The following RHBDD1 variants were observed in gnomAD, a reference collection of about 807,000 sequenced individuals.
RHBDD1 encodes rhomboid-related protein 4.
In RHBDD1, 38 loss-of-function variants were observed where a neutral mutation model predicts 36.3. The observed-to-expected ratio is 1.05, with a 90% CI of 0.81 to 1.37. The LOEUF (loss-of-function observed/expected upper bound fraction) is 1.37. Among genes scored for constraint, RHBDD1 ranks in the 40% most tolerant of loss-of-function variants. The probability of loss-of-function intolerance (pLI) is 0.00; values close to 1 mark genes in which losing one functional copy is unlikely to be tolerated. For synonymous variants in RHBDD1, 151 were observed against 136.5 expected (o/e 1.11, Z -0.74); for missense variants, 393 against 377.6 (o/e 1.04, Z -0.34).
rs376038303 is a variant in RHBDD1, at chr2:226,864,644, C to T, written c.-50C>T. Reference sequence around the variant, plus strand: ...TATCTCCCCAGATACCTGAAACTGACCACCTGAGTACGTTTTCCCATTGCT... The same window carrying T: ...TATCTCCCCAGATACCTGAAACTGATCACCTGAGTACGTTTTCCCATTGCT... On this transcript the variant is annotated 5_prime_UTR_variant, in exon 4 of 9. Coordinates refer to ENST00000392062, the MANE Select transcript of RHBDD1 (RefSeq NM_001167608.3). 69 of 1,488,230 alleles carry T rather than the reference C, an allele frequency of 4.6e-5. No homozygotes were observed. The African/African-American group carries it at 8.7e-4, about 19-fold the overall frequency. The allele number at this position is 1,488,230 out of a possible 1,614,324, so 92.2% of individuals were successfully genotyped here.
intron 3 of RHBDD1, among the ~76,000 whole-genome samples, chr2:226,855,592 A>C (rs575033117): frequency 6.6e-6 from 1 of 152,338 alleles, no homozygotes; most frequent in East Asian, 1.9e-4. Flanking sequence ...TGGTTGTGTC[A>C]AGCTGGGTGA....
intron 3 of RHBDD1, among the ~76,000 whole-genome samples, chr2:226,842,572 G>A (rs1302363089): frequency 1.3e-5 from 2 of 152,088 alleles, no homozygotes; most frequent in East Asian, 3.9e-4. Context: ...TTTTGGCCAG[G>A]TTTGTCAAAG....
chr2:226,832,366 T>C (rs1365818676), upstream of RHBDD1, among the ~76,000 whole-genome samples: 1 of 152,238 alleles, frequency 6.6e-6, no homozygotes, highest in African/African-American at 2.4e-5. Context: ...CCCAATTCTT[T>C]TAAATTTACT....
At chr2:226,977,293 C>T (rs186639098) in intron 8 of RHBDD1, among the ~76,000 whole-genome samples, 55 of 152,244 alleles carry the variant, frequency 3.6e-4, no homozygotes, top group African/African-American at 1.3e-3. Context: ...ACTGCCGCCT[C>T]CTTTTTTTCT....
chr2:226,981,406 A>T (rs537668414), intron 8 of RHBDD1, among the ~76,000 whole-genome samples: 3 of 151,924 alleles, frequency 2.0e-5, no homozygotes, highest in East Asian at 1.9e-4. Flanking sequence ...ACTTCAAAAA[A>T]TTTTTTAAAA....
intron 6 of RHBDD1, 38 bp downstream of exon 6, chr2:226,906,919 G>C (rs778462109): frequency 6.2e-7 from 1 of 1,603,408 alleles, no homozygotes; most frequent in African/African-American, 1.3e-5. Flanking sequence ...CAACAGCTTG[G>C]AAGTTCATGT....
At chr2:226,854,138 T>C (rs571873414) in intron 3 of RHBDD1, among the ~76,000 whole-genome samples, 1 of 152,220 alleles carries the variant, frequency 6.6e-6, no homozygotes, top group Non-Finnish European at 1.5e-5. Context: ...ATGATGTTGA[T>C]AAATATTTAA....
intron 5 of RHBDD1, among the ~76,000 whole-genome samples, chr2:226,885,262 AT>A (rs1440979143): frequency 6.6e-6 from 1 of 152,176 alleles, no homozygotes; most frequent in African/African-American, 2.4e-5. Context: ...CTGAAAAGTA[AT>A]TTGGGCATGT....
intron 5 of RHBDD1, among the ~76,000 whole-genome samples, chr2:226,883,930 C>T (rs1945999328): frequency 6.6e-6 from 1 of 151,890 alleles, no homozygotes; most frequent in African/African-American, 2.4e-5. Context: ...TTTTTTCTGG[C>T]TAATATTTTT....
At chr2:226,837,455 C>T (rs1220290895) in intron 1 of RHBDD1, 2 of 152,212 alleles carry the variant, frequency 1.3e-5, no homozygotes, top group Non-Finnish European at 1.5e-5. Flanking sequence ...GCAGTGCATA[C>T]TAATGCTATT....
chr2:226,869,301 A>G, intron 5 of RHBDD1: 1 of 435,422 alleles, frequency 2.3e-6, no homozygotes, highest in Non-Finnish European at 3.1e-6. Flanking sequence ...GCTTTGAATG[A>G]TAAACTTCTA....
chr2:226,896,782 T>G (rs966449441), intron 5 of RHBDD1, among the ~76,000 whole-genome samples: 11 of 152,160 alleles, frequency 7.2e-5, no homozygotes, highest in African/African-American at 2.4e-4. Flanking sequence ...TGTGCCCATA[T>G]TTCTTGCTTA....
chr2:226,985,823 T>C (rs1312711439), intron 8 of RHBDD1, among the ~76,000 whole-genome samples: 1 of 152,248 alleles, frequency 6.6e-6, no homozygotes. Flanking sequence ...ATCCTACTCA[T>C]GCCCAAGAGT....
chr2:226,956,531 AGTT>A lies in RHBDD1; in HGVS notation c.857-38882_857-38880del, dbSNP rs373150000. 9.9e-5 allele frequency among the ~76,000 whole-genome samples: 15 copies of A among 152,128 alleles called. No homozygotes were observed. In the South Asian group the frequency reaches 1.2e-3, roughly 13 times the overall value. On this transcript the variant is annotated intron_variant, in intron 8 of 8. Transcript: ENST00000392062. ...TCACACATTCTGCTGGGAAGATAAA[AGTT>A]GTTGTTGTTGTTGTTGTGAGTGTTC...
chr2:226,814,794 T>G, the RHBDD1 span, among the ~76,000 whole-genome samples: 17 of 152,320 alleles, frequency 1.1e-4, no homozygotes, highest in South Asian at 2.1e-4. Context: ...TCTCCTTCCC[T>G]GAAAGTTAAT....
chr2:226,834,839 G>A (rs1940835586), upstream of RHBDD1, among the ~76,000 whole-genome samples: 1 of 151,882 alleles, frequency 6.6e-6, no homozygotes, highest in Non-Finnish European at 1.5e-5. Context: ...TGGAGTGCAT[G>A]GACGCGATCT....
At chr2:226,895,979 C>G (rs940498693) in intron 5 of RHBDD1, among the ~76,000 whole-genome samples, 2 of 152,102 alleles carry the variant, frequency 1.3e-5, no homozygotes, top group African/African-American at 2.4e-5. Flanking sequence ...CACATATTAT[C>G]TATTAATATT....
chr2:226,874,928 G>A (rs1945099018), intron 5 of RHBDD1, among the ~76,000 whole-genome samples: 1 of 152,118 alleles, frequency 6.6e-6, no homozygotes, highest in Non-Finnish European at 1.5e-5. Flanking sequence ...GTCTCCTTGT[G>A]AATTCCTGGT....
chr2:226,930,228 A>G (rs10174073), intron 8 of RHBDD1, among the ~76,000 whole-genome samples: 73,537 of 151,810 alleles, frequency 0.48, 18,332 homozygotes, highest in African/African-American at 0.61. Context: ...AGAACAATCC[A>G]GAGGCATCAC....
Sources: gnomAD v4.1 joint callset for allele counts (sites outside exome capture counted in the v4.1 genomes callset) on GRCh38, gnomAD v4.1.1 for gene constraint, MANE v1.5 for transcripts, NCBI Gene and HGNC (gene_info 2026-07-23, HGNC 2026-07-21) for gene names.